HCK: variants seen among roughly 807,000 people sequenced by gnomAD.
HCK encodes HCK proto-oncogene, Src family tyrosine kinase.
Under a neutral mutation model 70.4 loss-of-function variants are expected in HCK, and 40 were observed. The ratio of observed to expected loss-of-function variants is 0.57; its 90% CI spans 0.44 to 0.74. The LOEUF is 0.74. HCK is among the 30% of genes least tolerant of loss of function. HCK has a pLI of 0.00. For missense variants in HCK, 568 were observed against 697.2 expected (o/e 0.81, Z 2.09); for synonymous variants, 245 against 263.2 (o/e 0.93, Z 0.67).
intron 5 of HCK, among the ~76,000 whole-genome samples, chr20:32,075,390 A>C (rs556742251): frequency 6.6e-6 from 1 of 151,790 alleles, no homozygotes; most frequent in Non-Finnish European, 1.5e-5. Context: ...TTTGGTAGAG[A>C]GGGGGTCTCT....
At chr20:32,060,054 T>C (rs1344872386) in intron 1 of HCK, among the ~76,000 whole-genome samples, 1 of 151,888 alleles carries the variant, frequency 6.6e-6, no homozygotes, top group Non-Finnish European at 1.5e-5. Context: ...CAGGTTAAAG[T>C]GAAAAGTGGC....
At chr20:32,074,552 G>T in intron 4 of HCK, 71 bp from the exon 5 acceptor site, 1 of 1,155,406 alleles carries the variant, frequency 8.7e-7, no homozygotes, top group Non-Finnish European at 1.3e-6. Flanking sequence ...CTAGGTCAAG[G>T]CTGGGGAGCT....
At chr20:32,071,934 G>A (rs569238607) in intron 2 of HCK, 152 bp downstream of exon 2, 17 of 895,480 alleles carry the variant, frequency 1.9e-5, no homozygotes, top group East Asian at 2.8e-5. Context: ...TCGACTCTCC[G>A]GGACGCAGCG....
chr20:32,066,375 G>A lies in HCK; in HGVS notation c.63-5287G>A, dbSNP rs566811452. ...TTCCCAGGCTGGAGTGCAGTGGCAC[G>A]ATCTTGGCTCACTGCAACCTCTGCT... On this transcript the variant is annotated intron_variant, in intron 1 of 12. Coordinates refer to ENST00000375852, the MANE Select transcript of HCK (RefSeq NM_002110.5). Among the ~76,000 whole-genome samples the A allele has an allele frequency of 4.5e-5, 6 of 134,138 alleles. No homozygotes were observed. In the East Asian group the frequency reaches 1.4e-3, roughly 31 times the overall value. 88.0% of individuals were successfully genotyped at this position (134,138 alleles called of 152,430 possible).
At chr20:32,088,473 C>T (rs2045819739) in intron 9 of HCK, 95 bp from the exon 10 acceptor site, 2 of 786,540 alleles carry the variant, frequency 2.5e-6, no homozygotes, top group Non-Finnish European at 2.1e-6. Flanking sequence ...AAATCTTCAC[C>T]ACACACTAAA....
intron 9 of HCK, among the ~76,000 whole-genome samples, chr20:32,087,411 C>A (rs1218396016): frequency 6.6e-6 from 1 of 152,004 alleles, no homozygotes; most frequent in East Asian, 1.9e-4. Flanking sequence ...CCCAGCCCCC[C>A]GAGTGGCTGG....
rs2046038035 is a variant in HCK, at chr20:32,101,660, T to G, written c.*141T>G. 1 of 611,080 alleles carries G rather than the reference T, an allele frequency of 1.6e-6. No homozygotes were observed. The highest frequency in any genetic ancestry group is 2.8e-6 in the Non-Finnish European group (1 of 356,226). The allele number at this position is 611,080 out of a possible 1,614,324, so 37.9% of individuals were successfully genotyped here. Reference sequence around the variant, plus strand: ...AGCCACAGTTTCCTCATCTGTCCAGTGGGTAGGTTGGACTGGAAAATCTCT... The same window carrying G: ...AGCCACAGTTTCCTCATCTGTCCAGGGGGTAGGTTGGACTGGAAAATCTCT... On this transcript the variant is annotated 3_prime_UTR_variant, in exon 13 of 13. Coordinates refer to ENST00000375852, the MANE Select transcript of HCK (RefSeq NM_002110.5).
At chr20:32,069,880 T>G in intron 1 of HCK, 1 of 594,150 alleles carries the variant, frequency 1.7e-6, no homozygotes, top group Non-Finnish European at 2.5e-6. Flanking sequence ...TATAACTGAG[T>G]TCTAACTGCT....
chr20:32,095,857 ATATT>A (rs142126874), intron 11 of HCK, among the ~76,000 whole-genome samples: 1,771 of 147,212 alleles, frequency 0.012, 13 homozygotes, highest in South Asian at 0.025. Flanking sequence ...TGTTAGCCTA[ATATT>A]TATTTATTTA....
At chr20:32,066,844 A>G (rs895475518) in intron 1 of HCK, among the ~76,000 whole-genome samples, 1 of 152,066 alleles carries the variant, frequency 6.6e-6, no homozygotes, top group Non-Finnish European at 1.5e-5. Flanking sequence ...TCCCTTCTAT[A>G]TGGTGTAGAG....
intron 2 of HCK, chr20:32,072,299 C>A (rs2045552803): frequency 6.4e-6 from 1 of 156,052 alleles, no homozygotes; most frequent in Non-Finnish European, 1.4e-5. Flanking sequence ...TATGTTTATA[C>A]AAAGCTGACT....
rs185756481 is a variant in HCK, at chr20:32,061,983, A to G, written c.62+9497A>G. On this transcript the variant is annotated intron_variant, in intron 1 of 12. Transcript: ENST00000375852. ...GAGACGGACTCTCACTCTGTTGCCC[A>G]GGCTGGACTGCAGTGGTGCGACCTC... Among the ~76,000 whole-genome samples the G allele has an allele frequency of 1.1e-3, 136 of 126,910 alleles. No homozygotes were observed. The South Asian group carries it at 0.014, about 13-fold the overall frequency. 83.3% of individuals were successfully genotyped at this position (126,910 alleles called of 152,430 possible).
chr20:32,093,827 G>C lies in HCK; in HGVS notation c.1093-36G>C, dbSNP rs184089554. On this transcript the variant is annotated intron_variant, in intron 10 of 12. Coordinates refer to ENST00000375852, the MANE Select transcript of HCK (RefSeq NM_002110.5). Reference sequence around the variant, plus strand: ...GGTGGGGCCATCTTGGCGTAGGCCAGGTCTGAGGACAAAGGTGTCTCTGTT... The same window carrying C: ...GGTGGGGCCATCTTGGCGTAGGCCACGTCTGAGGACAAAGGTGTCTCTGTT... 98 of 1,591,978 alleles carry C rather than the reference G, an allele frequency of 6.2e-5. No homozygotes were observed. In the East Asian group the frequency reaches 1.8e-3, roughly 29 times the overall value.
chr20:32,052,600 G>C, intron 1 of HCK, 114 bp downstream of exon 1: 1 of 764,402 alleles, frequency 1.3e-6, no homozygotes, highest in Non-Finnish European at 1.8e-6. Context: ...GGGGCAGCGA[G>C]GGGAGACGGA....
rs758013775 is a variant in HCK at position 32,061,375 on chromosome 20, G to A, written c.62+8889G>A. ...GTCCCCCAGACATGGGTGGGCTTCG[G>A]TCTCCCTGCCACACTCAGTCATTGG... is the stretch of plus-strand genomic sequence containing the variant. On this transcript the variant is annotated intron_variant, in intron 1 of 12. Transcript: ENST00000375852. Among the ~76,000 whole-genome samples, 3 of 152,220 alleles carry A rather than the reference G, an allele frequency of 2.0e-5. No individual in the cohort carries two copies. The South Asian group carries it at 6.2e-4, about 32-fold the overall frequency.
chr20:32,061,830 G>T (rs2045381883), intron 1 of HCK, among the ~76,000 whole-genome samples: 1 of 151,976 alleles, frequency 6.6e-6, no homozygotes, highest in East Asian at 1.9e-4. Flanking sequence ...GAGGGGATCA[G>T]ATTGTGGAGG....
intron 1 of HCK, among the ~76,000 whole-genome samples, chr20:32,061,583 T>C (rs2045377101): frequency 6.6e-6 from 1 of 152,122 alleles, no homozygotes; most frequent in Non-Finnish European, 1.5e-5. Flanking sequence ...TGATGGGAGT[T>C]GGGGGGCAGA....
At chr20:32,069,682 C>A in intron 1 of HCK, 1 of 730,840 alleles carries the variant, frequency 1.4e-6, no homozygotes, top group Non-Finnish European at 2.1e-6. Context: ...ATTTTATTTC[C>A]AAAAGACAAA....
Position 32,073,736 on chromosome 20 carries a change from G to T in HCK, c.247G>T (p.Val83Leu). 1 of 1,558,142 alleles carries T rather than the reference G, an allele frequency of 6.4e-7. No homozygotes were observed. Among genetic ancestry groups the T allele is most frequent in the Non-Finnish European group, 8.7e-7 (1 of 1,149,870 alleles). The stretch of plus-strand genomic sequence containing the variant: ...CCCAGCAGGCTCTGAGGACATCATC[G>T]TGGTTGCCCTGTATGATTACGAGGC... The change falls in exon 4 of 13, where the codon GTG becomes TTG. Residue 83 changes from valine (V) to leucine (L), a missense_variant. Physicochemically the swap from Val to Leu is conservative, Grantham distance 32 (BLOSUM62 1). Around this residue, in one of 4 missense-constraint regions of HCK, gnomAD observed 318 missense variants for 336.0 expected, o/e 0.95. Transcript: ENST00000375852.
Sources: allele counts gnomAD v4.1 joint callset (sites outside exome capture counted in the v4.1 genomes callset), GRCh38; gene constraint gnomAD v4.1.1; regional missense constraint gnomAD v4.1.1; transcripts MANE v1.5; gene names NCBI Gene and HGNC (gene_info 2026-07-23, HGNC 2026-07-21).